CDH1: variants seen among roughly 807,000 people sequenced by gnomAD.
The protein encoded by CDH1 is cadherin-1.
CDH1 carries 35 observed loss-of-function variants against 84.5 expected under a neutral mutation model. That is an observed-to-expected ratio of 0.41 (90% CI 0.32 to 0.55). CDH1 has a LOEUF of 0.55. Ranked by LOEUF, CDH1 falls within the 20% of genes least tolerant of loss-of-function variation. The probability of loss-of-function intolerance (pLI) is 0.19; values close to 1 mark genes in which losing one functional copy is unlikely to be tolerated. For missense variants in CDH1, 994 were observed against 1,126.6 expected, an observed-to-expected ratio of 0.88 and a Z score of 1.68; for synonymous variants, 417 against 439.0, an observed-to-expected ratio of 0.95 and a Z score of 0.63.
At chr16:68,750,513 C>T (rs989684952) in intron 2 of CDH1, among the ~76,000 whole-genome samples, 2 of 151,948 alleles carry the variant, frequency 1.3e-5, no homozygotes, top group African/African-American at 2.4e-5. Flanking sequence ...AGATCATAAA[C>T]GGTGGCCAGC....
chr16:68,829,577 A>G (rs1168322536), intron 14 of CDH1, 77 bp from the exon 15 acceptor site: 4 of 1,418,892 alleles, frequency 2.8e-6, no homozygotes, highest in Non-Finnish European at 3.9e-6. Context: ...ACCATAATCT[A>G]TAAACTGAAC....
rs922964445 is a variant in CDH1 at position 68,789,448 on chromosome 16, C to T, written c.164-12222C>T. Among the ~76,000 whole-genome samples the T allele has an allele frequency of 2.0e-5, 3 of 151,382 alleles. No homozygotes were observed. In the East Asian group the frequency reaches 5.8e-4, roughly 29 times the overall value. On this transcript the variant is annotated intron_variant, in intron 2 of 15. Coordinates refer to ENST00000261769, the MANE Select transcript of CDH1 (RefSeq NM_004360.5). ...GGGATATAGACCAGGATCTGAAGGA[C>T]ACATATCAGGTGTTAGCAGTGGTCT...
At chr16:68,826,028 C>T (rs1171897879) in intron 13 of CDH1, among the ~76,000 whole-genome samples, 1 of 151,988 alleles carries the variant, frequency 6.6e-6, no homozygotes, top group Non-Finnish European at 1.5e-5. Context: ...TTATGTTGCC[C>T]AGGCTGGTCT....
At chr16:68,791,182 T>C (rs1043480846) in intron 2 of CDH1, among the ~76,000 whole-genome samples, 1 of 152,126 alleles carries the variant, frequency 6.6e-6, no homozygotes, top group African/African-American at 2.4e-5. Context: ...ACACAGTAGG[T>C]GTGCAGGCTT....
intron 2 of CDH1, among the ~76,000 whole-genome samples, chr16:68,789,916 C>T (rs1386607600): frequency 6.6e-6 from 1 of 152,120 alleles, no homozygotes; most frequent in Non-Finnish European, 1.5e-5. Context: ...ATTAACCGGG[C>T]ATGGTGGCGC....
intron 2 of CDH1, among the ~76,000 whole-genome samples, chr16:68,786,419 G>A (rs1259447316): frequency 6.6e-6 from 1 of 151,372 alleles, no homozygotes; most frequent in Non-Finnish European, 1.5e-5. Context: ...CGATCCACAT[G>A]CCTTGGCCTC....
intron 13 of CDH1, among the ~76,000 whole-genome samples, chr16:68,823,963 T>G (rs1961247258): frequency 6.6e-6 from 1 of 150,946 alleles, no homozygotes; most frequent in Non-Finnish European, 1.5e-5. Context: ...ATCCAGGAGG[T>G]CTGGCATAGG....
intron 15 of CDH1, among the ~76,000 whole-genome samples, 186 bp from the exon 16 acceptor site, chr16:68,833,104 A>G (rs1961527126): frequency 6.6e-6 from 1 of 152,070 alleles, no homozygotes; most frequent in African/African-American, 2.4e-5. Flanking sequence ...CATCAACAAC[A>G]TATCCTGTGC....
intron 5 of CDH1, 76 bp from the exon 6 acceptor site, chr16:68,810,121 T>C: frequency 6.5e-7 from 1 of 1,544,048 alleles, no homozygotes; most frequent in Non-Finnish European, 8.9e-7. Flanking sequence ...GGGGGCGCAC[T>C]CTGCTCTGGC....
At chr16:68,819,146 G>T in intron 10 of CDH1, 134 bp from the exon 11 acceptor site, 1 of 982,418 alleles carries the variant, frequency 1.0e-6, no homozygotes, top group Admixed American at 2.0e-5. Flanking sequence ...ATGAGCCACC[G>T]CGACCGGCCT....
chr16:68,800,097 T>C (rs565678707), intron 2 of CDH1, among the ~76,000 whole-genome samples: 1 of 151,502 alleles, frequency 6.6e-6, no homozygotes, highest in Admixed American at 6.6e-5. Flanking sequence ...CCTAGCACTT[T>C]GGAAGGCCGA....
intron 2 of CDH1, among the ~76,000 whole-genome samples, chr16:68,767,515 A>G (rs1229355066): frequency 1.3e-5 from 2 of 152,210 alleles, no homozygotes; most frequent in East Asian, 1.9e-4. Context: ...TTAAGTTTCA[A>G]TAATGAGAAA....
intron 10 of CDH1, 77 bp from the exon 11 acceptor site, chr16:68,819,203 A>C (rs1961069113): frequency 6.5e-7 from 1 of 1,534,898 alleles, no homozygotes; most frequent in Non-Finnish European, 9.0e-7. Flanking sequence ...CATATAACTG[A>C]AGAAGCGCTT....
rs374676556 is a variant in CDH1 at position 68,813,269 on chromosome 16, G to A, written c.1138-44G>A. On this transcript the variant is annotated intron_variant, in intron 8 of 15. Coordinates refer to ENST00000261769, the MANE Select transcript of CDH1 (RefSeq NM_004360.5). ...AGCCCCCTGAGACTCAGCTCTGCTA[G>A]CAGTCTTGGTACTTTGTAAATGACA... The A allele has an allele frequency of 6.5e-5, 103 of 1,591,278 alleles. 1 individual carries two copies. The highest frequency in any genetic ancestry group is 4.0e-4 in the Admixed American group (24 of 59,942).
chr16:68,819,454 G>A (rs2152137071), intron 11 of CDH1, 29 bp downstream of exon 11: 3 of 1,610,756 alleles, frequency 1.9e-6, no homozygotes, highest in Non-Finnish European at 2.5e-6. Flanking sequence ...AGCCTTTGCT[G>A]CCTCGACCTC....
chr16:68,833,189 T>A, intron 15 of CDH1, 101 bp from the exon 16 acceptor site: 1 of 956,278 alleles, frequency 1.0e-6, no homozygotes, highest in Admixed American at 1.7e-5. Flanking sequence ...GCCACAAGTC[T>A]GGGTGCATTG....
rs1157074539 is a variant in CDH1, at chr16:68,831,069, C to CTTTTT, written c.2439+1295_2439+1299dup. Among the ~76,000 whole-genome samples, 61 of 80,296 alleles carry CTTTTT rather than the reference C, an allele frequency of 7.6e-4. 1 individual carries two copies. The highest frequency in any genetic ancestry group is 1.3e-3 in the Non-Finnish European group (52 of 40,082). 52.7% of individuals were successfully genotyped at this position (80,296 alleles called of 152,430 possible). A position where few individuals can be genotyped will look rare whatever the true frequency, so the allele number is the denominator to read the frequency against. On this transcript the variant is annotated intron_variant, in intron 15 of 15. Transcript: ENST00000261769. ...TGAGGTCTGTGTTTGCTTTAGCTTTCTTTTTTTTTTTTTTTTTTTTTTTTT... is the reference window on the plus strand; with the variant it reads ...TGAGGTCTGTGTTTGCTTTAGCTTTCTTTTTTTTTTTTTTTTTTTTTTTTTTTTTT...
chr16:68,793,074 G>A (rs148665851), intron 2 of CDH1, among the ~76,000 whole-genome samples: 23 of 152,348 alleles, frequency 1.5e-4, no homozygotes, highest in Admixed American at 2.6e-4. Context: ...GGGTGCAGGA[G>A]CCGCAGCTGC....
intron 2 of CDH1, among the ~76,000 whole-genome samples, chr16:68,798,074 GTCTCAAAAAAAAAAAA>G (rs1960410555): frequency 7.2e-6 from 1 of 138,838 alleles, no homozygotes; most frequent in African/African-American, 2.6e-5. Context: ...GTGACACTCT[GTCTCAAAAAAAAAAAA>G]GACTTTCCCA....
Sources: allele counts gnomAD v4.1 joint callset (sites outside exome capture counted in the v4.1 genomes callset), GRCh38; gene constraint gnomAD v4.1.1; transcripts MANE v1.5; gene names NCBI Gene and HGNC (gene_info 2026-07-23, HGNC 2026-07-21).